MTMR7: variants seen among roughly 807,000 people sequenced by gnomAD.
MTMR7 encodes the protein phosphatidylinositol-3-phosphate phosphatase MTMR7.
In MTMR7, 76 loss-of-function variants were observed where a neutral mutation model predicts 81.2. That is an observed-to-expected ratio of 0.94 (90% CI 0.78 to 1.13). The LOEUF is 1.13. Ranked by LOEUF, MTMR7 falls within the 50% of genes most tolerant of loss-of-function variation. The pLI, the probability that MTMR7 is intolerant of heterozygous loss-of-function variation, is 0.00. For missense variants in MTMR7, 1,044 were observed against 820.0 expected, an observed-to-expected ratio of 1.27 and a Z score of -3.34; for synonymous variants, 372 against 289.8, an observed-to-expected ratio of 1.28 and a Z score of -2.88.
At chr8:17,313,473 G>A in intron 7 of MTMR7, 72 bp from the exon 8 acceptor site, 2 of 992,124 alleles carry the variant, frequency 2.0e-6, no homozygotes, top group Non-Finnish European at 3.0e-6. Context: ...ATGTTTTATA[G>A]GTAGTTTGTT....
chr8:17,389,062 C>A (rs10089303), intron 1 of MTMR7, among the ~76,000 whole-genome samples: 3 of 151,592 alleles, frequency 2.0e-5, no homozygotes, highest in Non-Finnish European at 4.4e-5. Flanking sequence ...TGATTGCCTG[C>A]CACAGTGCAC....
At chr8:17,337,011 T>A (rs1486510123) in intron 6 of MTMR7, among the ~76,000 whole-genome samples, 1 of 152,106 alleles carries the variant, frequency 6.6e-6, no homozygotes, top group Non-Finnish European at 1.5e-5. Context: ...CTAGCCCTTA[T>A]CCATGAAAAG....
intron 7 of MTMR7, among the ~76,000 whole-genome samples, chr8:17,321,335 G>T (rs946084912): frequency 7.9e-5 from 12 of 152,216 alleles, no homozygotes; most frequent in Admixed American, 2.6e-4. Context: ...TTAGCTCTCA[G>T]CAATGGGACA....
Position 17,351,108 on chromosome 8 carries a change from C to A in MTMR7, c.469-2027G>T, listed in dbSNP as rs529428858. ...GTTTGAGGTTCAAGAGACATGTAGT[C>A]ATTGCACCAGACCAACAACATTTTC... On this transcript the variant is annotated intron_variant, in intron 4 of 13. Transcript: ENST00000180173. 7.9e-5 allele frequency among the ~76,000 whole-genome samples: 12 copies of A among 152,314 alleles called. No individual in the cohort carries two copies. In the South Asian group the frequency reaches 2.1e-3, roughly 26 times the overall value.
chr8:17,326,765 C>T (rs2239873), intron 7 of MTMR7, among the ~76,000 whole-genome samples: 9 of 151,842 alleles, frequency 5.9e-5, no homozygotes, highest in Non-Finnish European at 7.4e-5. Flanking sequence ...CTGATGAGAA[C>T]GCAGCCCAGC....
chr8:17,301,740 G>A (rs185741131), intron 13 of MTMR7: 25 of 183,898 alleles, frequency 1.4e-4, no homozygotes, highest in Middle Eastern at 2.3e-3. Flanking sequence ...TTTACAGTCA[G>A]TCTCCCCTTT....
rs1204937124 is a variant in MTMR7, at chr8:17,348,425, C to G, written c.597+528G>C. Among the ~76,000 whole-genome samples the G allele has an allele frequency of 3.3e-5, 5 of 151,706 alleles. No individual in the cohort carries two copies. In the East Asian group the frequency reaches 9.7e-4, roughly 29 times the overall value. ...ATTAGCTGGGCATGTTGGCAGGTGC[C>G]TGTAATCCCAGCTACAAAAGAGGCT... On this transcript the variant is annotated intron_variant, in intron 5 of 13. Transcript: ENST00000180173.
At chr8:17,380,570 C>CT in intron 1 of MTMR7, among the ~76,000 whole-genome samples, 1 of 30,330 alleles carries the variant, frequency 3.3e-5, no homozygotes, top group Admixed American at 3.9e-4. Context: ...AGCTGATGAG[C>CT]TTAAAAAAAA....
chr8:17,352,185 A>T (rs971229100), intron 4 of MTMR7, among the ~76,000 whole-genome samples: 1 of 152,240 alleles, frequency 6.6e-6, no homozygotes, highest in Non-Finnish European at 1.5e-5. Context: ...TAATTTCAAA[A>T]TATAGTACAA....
chr8:17,340,245 G>A (rs888005530), intron 6 of MTMR7, among the ~76,000 whole-genome samples: 4 of 152,190 alleles, frequency 2.6e-5, no homozygotes, highest in East Asian at 1.9e-4. Flanking sequence ...AAGCCACTGC[G>A]CCCAGCCCCA....
chr8:17,337,192 G>A lies in MTMR7; in HGVS notation c.732+4171C>T, dbSNP rs538881746. 9.9e-5 allele frequency among the ~76,000 whole-genome samples: 15 copies of A among 151,934 alleles called. No homozygotes were observed. In the South Asian group the frequency reaches 1.7e-3, roughly 17 times the overall value. On this transcript the variant is annotated intron_variant, in intron 6 of 13. Coordinates refer to ENST00000180173, the MANE Select transcript of MTMR7 (RefSeq NM_004686.5). ...TTCGAGACCAGCCTGGTGAAACCCC[G>A]TCTCTACTAAAAATACAAAAAAATT...
In MTMR7 at chr8:17,318,688, A is replaced by G. The variant is rs2051555330; in HGVS notation, c.866-5287T>C. Reference sequence around the variant, plus strand: ...TTCCAGGTTAGGGTCTGCTACAGGTATTGTGCATGTTTGGAAGGTGACGTG... The same window carrying G: ...TTCCAGGTTAGGGTCTGCTACAGGTGTTGTGCATGTTTGGAAGGTGACGTG... On this transcript the variant is annotated intron_variant, in intron 7 of 13. Coordinates refer to ENST00000180173, the MANE Select transcript of MTMR7 (RefSeq NM_004686.5). Among the ~76,000 whole-genome samples, 3 of 152,232 alleles carry G rather than the reference A, an allele frequency of 2.0e-5. No individual in the cohort carries two copies. The South Asian group carries it at 6.2e-4, about 32-fold the overall frequency.
chr8:17,342,529 T>A, intron 5 of MTMR7, among the ~76,000 whole-genome samples: 1 of 152,256 alleles, frequency 6.6e-6, no homozygotes, highest in African/African-American at 2.4e-5. Context: ...ATAGCTTAAT[T>A]GTCTTTGAAT....
At chr8:17,323,217 G>A (rs1479535773) in intron 7 of MTMR7, among the ~76,000 whole-genome samples, 3 of 151,990 alleles carry the variant, frequency 2.0e-5, no homozygotes, top group African/African-American at 4.8e-5. Context: ...ACAGTGCTGA[G>A]ATTACAGGTA....
chr8:17,412,890 G>T (rs961821616), intron 1 of MTMR7, among the ~76,000 whole-genome samples: 16 of 152,142 alleles, frequency 1.1e-4, no homozygotes, highest in African/African-American at 3.9e-4. Context: ...TCACCGAAAG[G>T]CTTATTTCCC....
At chr8:17,308,277 A>C (rs181429739) in intron 10 of MTMR7, among the ~76,000 whole-genome samples, 1 of 152,194 alleles carries the variant, frequency 6.6e-6, no homozygotes, top group East Asian at 1.9e-4. Flanking sequence ...TCTGTCTCCT[A>C]TCTTGGAGAT....
At chr8:17,326,784 T>G (rs1415370838) in intron 7 of MTMR7, among the ~76,000 whole-genome samples, 1 of 152,230 alleles carries the variant, frequency 6.6e-6, no homozygotes, top group Non-Finnish European at 1.5e-5. Flanking sequence ...GCTGCCACTT[T>G]GACTGCAGCC....
intron 5 of MTMR7, among the ~76,000 whole-genome samples, chr8:17,344,039 T>A (rs1563348191): frequency 1.3e-5 from 2 of 152,232 alleles, no homozygotes; most frequent in African/African-American, 2.4e-5. Flanking sequence ...TACTACTGTT[T>A]TTGAGTGTTT....
intron 6 of MTMR7, among the ~76,000 whole-genome samples, chr8:17,332,272 A>C (rs1819043149): frequency 6.6e-6 from 1 of 152,236 alleles, no homozygotes. Context: ...ACTTTTTAAA[A>C]GCTAAAAGAG....
Sources: allele counts gnomAD v4.1 joint callset (sites outside exome capture counted in the v4.1 genomes callset), GRCh38; gene constraint gnomAD v4.1.1; transcripts MANE v1.5; gene names NCBI Gene and HGNC (gene_info 2026-07-23, HGNC 2026-07-21).